CABIN1: variants seen among roughly 807,000 people sequenced by gnomAD.
CABIN1 encodes calcineurin-binding protein cabin-1.
CABIN1 carries 133 observed loss-of-function variants against 227.7 expected under a neutral mutation model. The ratio of observed to expected loss-of-function variants is 0.58; its 90% CI spans 0.51 to 0.67. The LOEUF (loss-of-function observed/expected upper bound fraction) is 0.67. Among genes scored for constraint, CABIN1 ranks in the 30% least tolerant of loss-of-function variants. The pLI, the probability that CABIN1 is intolerant of heterozygous loss-of-function variation, is 0.00. For missense variants in CABIN1, 2,408 were observed against 2,852.5 expected (o/e 0.84, Z 3.55); for synonymous variants, 1,086 against 1,155.1 (o/e 0.94, Z 1.21).
At chr22:24,067,481 T>G (rs2039771803) in intron 16 of CABIN1, among the ~76,000 whole-genome samples, 2 of 152,234 alleles carry the variant, frequency 1.3e-5, no homozygotes, top group South Asian at 4.1e-4. Context: ...CATCTGTCCA[T>G]CCACTTGTTT....
Position 24,177,387 on chromosome 22 carries a change from A to T in CABIN1, c.6206-117A>T. On this transcript the variant is annotated intron_variant, in intron 35 of 36. Transcript: ENST00000263119. This position sits in a 1 kb window ranked among gnomAD's most constrained non-coding sequence, Gnocchi z 4.4. ...GTAGAAGCCTTGGAGCCTGCCAGCC[A>T]GCACAAACTACACAGCATAAAGGCC... 1 of 926,630 alleles carries T rather than the reference A, an allele frequency of 1.1e-6. No individual in the cohort carries two copies. The highest frequency in any genetic ancestry group is 1.6e-6 in the Non-Finnish European group (1 of 621,262). The allele number at this position is 926,630 out of a possible 1,614,324, so 57.4% of individuals were successfully genotyped here.
chr22:24,165,916 A>G (rs1451418050), intron 31 of CABIN1, among the ~76,000 whole-genome samples: 2 of 152,210 alleles, frequency 1.3e-5, no homozygotes, highest in East Asian at 3.8e-4. Flanking sequence ...CGGGGTCCCA[A>G]GCCCTCTCCC....
At chr22:24,103,822 G>A (rs1171518827) in intron 26 of CABIN1, among the ~76,000 whole-genome samples, 1 of 152,176 alleles carries the variant, frequency 6.6e-6, no homozygotes, top group Non-Finnish European at 1.5e-5. Flanking sequence ...AAGTCAAGAT[G>A]ATGGTGCCTT....
intron 26 of CABIN1, 142 bp downstream of exon 26, chr22:24,098,334 A>G: frequency 6.7e-7 from 1 of 1,500,878 alleles, no homozygotes; most frequent in Non-Finnish European, 9.0e-7. Context: ...GCGGCTGCTC[A>G]TTAACCTCAT....
chr22:24,178,568 T>C lies in CABIN1; in HGVS notation c.*372T>C. 3.1e-6 allele frequency: 1 copy of C among 325,382 alleles called. No homozygotes were observed. Among genetic ancestry groups the C allele is most frequent in the Non-Finnish European group, 5.9e-6 (1 of 168,124 alleles). 20.2% of individuals were successfully genotyped at this position (325,382 alleles called of 1,614,324 possible). A position where few individuals can be genotyped will look rare whatever the true frequency, so the allele number is the denominator to read the frequency against. ...CCTGTGTCACAGTGGAGGGGTCCTT[T>C]AGGGCCAGGCTCACCCCTCACCCTT... On this transcript the variant is annotated 3_prime_UTR_variant, in exon 37 of 37. Coordinates refer to ENST00000263119, the MANE Select transcript of CABIN1 (RefSeq NM_012295.4).
chr22:24,081,699 C>CT (rs1398791921), intron 19 of CABIN1, among the ~76,000 whole-genome samples: 8 of 152,006 alleles, frequency 5.3e-5, no homozygotes, highest in Non-Finnish European at 7.4e-5. Flanking sequence ...TTAGTATTCA[C>CT]TCTTTTTTTT....
chr22:24,083,210 C>G lies in CABIN1; in HGVS notation c.2749-18C>G. 1 of 1,611,906 alleles carries G rather than the reference C, an allele frequency of 6.2e-7. No individual in the cohort carries two copies. The highest frequency in any genetic ancestry group is 8.5e-7 in the Non-Finnish European group (1 of 1,179,880). ...GCTACAGGCCCTCACCTCAGGCCAT[C>G]TCTTCTGCCCACCACAGGTGCGAGT... On this transcript the variant is annotated intron_variant, in intron 19 of 36. Coordinates refer to ENST00000263119, the MANE Select transcript of CABIN1 (RefSeq NM_012295.4).
chr22:24,056,822 G>T (rs1181234482), intron 10 of CABIN1, among the ~76,000 whole-genome samples: 1 of 152,104 alleles, frequency 6.6e-6, no homozygotes, highest in African/African-American at 2.4e-5. Flanking sequence ...AGTATTCCTG[G>T]GTTTCACTCA....
chr22:24,053,872 T>C (rs1243787315), intron 8 of CABIN1, among the ~76,000 whole-genome samples: 9 of 152,030 alleles, frequency 5.9e-5, no homozygotes, highest in African/African-American at 1.9e-4. Context: ...AGAAGCGCAG[T>C]GCTGGAAGGC....
At chr22:24,170,752 G>GC (rs71320752) in intron 33 of CABIN1, among the ~76,000 whole-genome samples, 5,888 of 116,530 alleles carry the variant, frequency 0.051, 431 homozygotes, top group African/African-American at 0.075. Context: ...GTAGCAAACT[G>GC]CCCCCCCCCC....
At chr22:24,073,795 G>A (rs777144706) in intron 18 of CABIN1, among the ~76,000 whole-genome samples, 3 of 152,158 alleles carry the variant, frequency 2.0e-5, no homozygotes, top group Non-Finnish European at 2.9e-5. Flanking sequence ...CCTGGGGCAT[G>A]GGGATTGGAT....
intron 16 of CABIN1, among the ~76,000 whole-genome samples, chr22:24,069,766 T>G (rs55857239): frequency 0.07 from 10,445 of 150,284 alleles, 371 homozygotes; most frequent in East Asian, 0.16. Flanking sequence ...TTGGGGGGGG[T>G]TTTGATCTGT....
rs1444016428 is a variant in CABIN1, at chr22:24,034,359, C to T, written c.-74-1085C>T. 3.3e-5 allele frequency among the ~76,000 whole-genome samples: 5 copies of T among 152,340 alleles called. No individual in the cohort carries two copies. The South Asian group carries it at 1.0e-3, about 32-fold the overall frequency. The stretch of plus-strand genomic sequence containing the variant: ...TATAATTGGAGCCAGAAGATACATG[C>T]TATTTTGTATATGACTTCTTTCATT... On this transcript the variant is annotated intron_variant, in intron 1 of 36. Coordinates refer to ENST00000263119, the MANE Select transcript of CABIN1 (RefSeq NM_012295.4).
At chr22:24,065,823 G>A (rs2039623122) in intron 15 of CABIN1, among the ~76,000 whole-genome samples, 1 of 152,260 alleles carries the variant, frequency 6.6e-6, no homozygotes, top group South Asian at 2.1e-4. Context: ...CCAACACAGC[G>A]AAACCCCGTC....
intron 20 of CABIN1, among the ~76,000 whole-genome samples, chr22:24,084,291 T>C (rs1224022820): frequency 1.3e-5 from 2 of 151,094 alleles, no homozygotes; most frequent in African/African-American, 4.9e-5. Context: ...CAGGCTGGAG[T>C]GCAGTGGTGC....
chr22:24,044,838 C>T (rs946078664), intron 6 of CABIN1, among the ~76,000 whole-genome samples: 1 of 152,100 alleles, frequency 6.6e-6, no homozygotes, highest in Non-Finnish European at 1.5e-5. Flanking sequence ...TTTCTACCAA[C>T]ATTCTGTACA....
intron 28 of CABIN1, among the ~76,000 whole-genome samples, chr22:24,126,304 C>A (rs961791658): frequency 6.6e-6 from 1 of 152,074 alleles, no homozygotes; most frequent in Admixed American, 6.6e-5. Flanking sequence ...GTAAGGGGTT[C>A]GAGGTGTGAT....
chr22:24,035,890 G>A (rs1043046182), intron 2 of CABIN1, among the ~76,000 whole-genome samples, 199 bp from the exon 3 acceptor site: 1 of 90,296 alleles, frequency 1.1e-5, no homozygotes, highest in African/African-American at 4.3e-5. Context: ...TCCCCCCTCG[G>A]CCCCCCACCC....
intron 28 of CABIN1, among the ~76,000 whole-genome samples, chr22:24,129,128 C>G (rs552402559): frequency 1.7e-3 from 253 of 152,280 alleles, no homozygotes; most frequent in Admixed American, 2.5e-3. Flanking sequence ...CAGGTGTCCC[C>G]AGAGGGTAGT....
Sources: gnomAD v4.1 joint callset for allele counts (sites outside exome capture counted in the v4.1 genomes callset) on GRCh38, gnomAD v4.1.1 for gene constraint, Gnocchi (gnomAD v3.1) non-coding constraint, MANE v1.5 for transcripts, NCBI Gene and HGNC (gene_info 2026-07-23, HGNC 2026-07-21) for gene names.